Variants in PRPF18 observed in about 807,000 individuals in gnomAD.
PRPF18 encodes pre-mRNA processing factor 18.
Under a neutral mutation model 46.5 loss-of-function variants are expected in PRPF18, and 38 were observed. That is an observed-to-expected ratio of 0.82 (90% confidence interval 0.63 to 1.07). The LOEUF is 1.07. Among genes scored for constraint, PRPF18 ranks in the 50% least tolerant of loss-of-function variants. PRPF18 has a pLI of 0.00. For synonymous variants in PRPF18, 152 were observed against 146.7 expected, an observed-to-expected ratio of 1.04 and a Z score of -0.26; for missense variants, 263 against 410.0, an observed-to-expected ratio of 0.64 and a Z score of 3.10.
At chr10:13,592,225 C>A in intron 1 of PRPF18, 1 of 592,108 alleles carries the variant, frequency 1.7e-6, no homozygotes, top group African/African-American at 1.9e-5. Context: ...GCTTCTTAGC[C>A]TTGAGGTGAC....
downstream of PRPF18, among the ~76,000 whole-genome samples, chr10:13,633,012 G>A (rs1178689695): frequency 1.3e-5 from 2 of 152,104 alleles, no homozygotes; most frequent in East Asian, 3.8e-4. Context: ...CATTTCCTAG[G>A]AGTGTCATTG....
At chr10:13,636,241 G>A in the PRPF18 span, among the ~76,000 whole-genome samples, 3 of 152,174 alleles carry the variant, frequency 2.0e-5, no homozygotes, top group Admixed American at 2.0e-4. Context: ...GGGCAACATG[G>A]TGAGACCTCA....
At chr10:13,652,026 AGACACT>A in the PRPF18 span, 9 of 939,194 alleles carry the variant, frequency 9.6e-6, no homozygotes, top group East Asian at 2.4e-5. Context: ...TGTTACAGAG[AGACACT>A]GACACAGACA....
chr10:13,630,455 TTC>T lies in PRPF18; in HGVS notation c.*117_*118del. On this transcript the variant is annotated 3_prime_UTR_variant, in exon 10 of 10. Transcript: ENST00000378572. ...AAAACTGGAGTTTCCAGTCTCTGAG[TTC>T]TACCTGATGTAACTCTTGATTGGTT... The T allele has an allele frequency of 1.3e-6, 1 of 752,354 alleles. No individual in the cohort carries two copies. Among genetic ancestry groups the T allele is most frequent in the Admixed American group, 2.6e-5 (1 of 38,884 alleles). The allele number at this position is 752,354 out of a possible 1,614,324, so 46.6% of individuals were successfully genotyped here. A position where few individuals can be genotyped will look rare whatever the true frequency, so the allele number is the denominator to read the frequency against.
At chr10:13,591,001 G>A (rs770967613) in intron 1 of PRPF18, among the ~76,000 whole-genome samples, 3 of 152,198 alleles carry the variant, frequency 2.0e-5, no homozygotes, top group African/African-American at 7.2e-5. Context: ...CTTTACAACG[G>A]TTAATTAGTG....
At chr10:13,654,017 G>A in the PRPF18 span, 2 of 341,002 alleles carry the variant, frequency 5.9e-6, no homozygotes, top group Non-Finnish European at 1.0e-5. Flanking sequence ...TGTTTCACCT[G>A]CCCCAGTGTA....
intron 9 of PRPF18, among the ~76,000 whole-genome samples, chr10:13,622,383 A>G (rs749932121): frequency 2.0e-5 from 3 of 152,216 alleles, no homozygotes; most frequent in Non-Finnish European, 2.9e-5. Context: ...AGCTTAGTTG[A>G]TGGTAAAGGG....
intron 8 of PRPF18, among the ~76,000 whole-genome samples, chr10:13,615,255 C>T (rs547745439): frequency 2.0e-5 from 3 of 152,308 alleles, no homozygotes; most frequent in South Asian, 2.1e-4. Flanking sequence ...TGCTTTTTCT[C>T]GTGATCACAT....
intron 9 of PRPF18, among the ~76,000 whole-genome samples, chr10:13,621,361 GT>G (rs1395015600): frequency 6.6e-6 from 1 of 152,166 alleles, no homozygotes; most frequent in African/African-American, 2.4e-5. Flanking sequence ...AGAAGAATGA[GT>G]TTAGGGTATT....
chr10:13,589,045 ATCACT>A (rs912755108), intron 1 of PRPF18, among the ~76,000 whole-genome samples: 4 of 152,268 alleles, frequency 2.6e-5, no homozygotes, highest in Admixed American at 6.5e-5. Flanking sequence ...ATATGAAAAG[ATCACT>A]TCATTTAATA....
At chr10:13,587,376 C>T (rs1396354279) in intron 1 of PRPF18, among the ~76,000 whole-genome samples, 1 of 152,190 alleles carries the variant, frequency 6.6e-6, no homozygotes, top group Non-Finnish European at 1.5e-5. Flanking sequence ...ACAATTCGTG[C>T]TGACTTCCCA....
At chr10:13,638,299 CTTTTTT>C in the PRPF18 span, among the ~76,000 whole-genome samples, 1 of 125,040 alleles carries the variant, frequency 8.0e-6, no homozygotes, top group African/African-American at 2.9e-5. Flanking sequence ...CTTGGCTTTT[CTTTTTT>C]TTTTTTTTTT....
At chr10:13,636,973 A>G in the PRPF18 span, 1 of 152,170 alleles carries the variant, frequency 6.6e-6, no homozygotes. Context: ...ATCAAACAGT[A>G]TGTGCTTGAC....
At position 13,613,652 on chromosome 10, in the gene PRPF18, T is replaced by G; in HGVS notation, c.580-89T>G. The G allele has an allele frequency of 1.4e-5, 19 of 1,323,348 alleles. 1 individual carries two copies. The South Asian group carries it at 2.7e-4, about 19-fold the overall frequency. 82.0% of individuals were successfully genotyped at this position (1,323,348 alleles called of 1,614,324 possible). ...TCAAGACATTTACTTTAAGGATGATTGTATTCTGTTTTTGTGTGCTAGAGA... is the reference window on the plus strand; with the variant it reads ...TCAAGACATTTACTTTAAGGATGATGGTATTCTGTTTTTGTGTGCTAGAGA... On this transcript the variant is annotated intron_variant, in intron 6 of 9. Transcript: ENST00000378572.
At chr10:13,600,160 A>G in intron 2 of PRPF18, 84 bp from the exon 3 acceptor site, 2 of 1,089,118 alleles carry the variant, frequency 1.8e-6, no homozygotes, top group African/African-American at 3.2e-5. Context: ...AAACATGTTT[A>G]ACTTCCATAG....
At chr10:13,609,881 T>C (rs567537495) in intron 4 of PRPF18, among the ~76,000 whole-genome samples, 158 bp from the exon 5 acceptor site, 1 of 152,244 alleles carries the variant, frequency 6.6e-6, no homozygotes, top group Non-Finnish European at 1.5e-5. Context: ...ACAGTAGTGA[T>C]AGTTGTGTGA....
intron 6 of PRPF18, among the ~76,000 whole-genome samples, chr10:13,612,432 A>G (rs2080282185): frequency 6.6e-6 from 1 of 151,414 alleles, no homozygotes; most frequent in Admixed American, 6.6e-5. Context: ...TAGTTTTTGT[A>G]TTTTTTATTT....
At chr10:13,610,651 C>T (rs375752190) in intron 5 of PRPF18, among the ~76,000 whole-genome samples, 10 of 152,098 alleles carry the variant, frequency 6.6e-5, no homozygotes, top group East Asian at 3.8e-4. Flanking sequence ...TTTTGTTCTC[C>T]GGTAATGATG....
the PRPF18 span, chr10:13,640,923 G>C: frequency 6.6e-6 from 1 of 152,550 alleles, no homozygotes; most frequent in African/African-American, 2.4e-5. Flanking sequence ...ATCCTACCCT[G>C]CTGCCTCCTT....
Sources: allele counts gnomAD v4.1 joint callset (sites outside exome capture counted in the v4.1 genomes callset), GRCh38; gene constraint gnomAD v4.1.1; transcripts MANE v1.5; gene names NCBI Gene and HGNC (gene_info 2026-07-23, HGNC 2026-07-21).